Variants in MAPKAPK2 observed in about 807,000 individuals in gnomAD.
The protein encoded by MAPKAPK2 is MAP kinase-activated protein kinase 2.
Under a neutral mutation model 48.8 loss-of-function variants are expected in MAPKAPK2, and 9 were observed. The observed-to-expected ratio is 0.18, with a 90% CI of 0.11 to 0.32. The LOEUF (loss-of-function observed/expected upper bound fraction) is 0.32, where lower values mean the gene tolerates loss of function less well. MAPKAPK2 is among the 10% of genes least tolerant of loss of function. The pLI, the probability that MAPKAPK2 is intolerant of heterozygous loss-of-function variation, is 1.00. For missense variants in MAPKAPK2, 331 were observed against 498.3 expected, an observed-to-expected ratio of 0.66 and a Z score of 3.20; for synonymous variants, 202 against 190.6, an observed-to-expected ratio of 1.06 and a Z score of -0.49.
intron 1 of MAPKAPK2, among the ~76,000 whole-genome samples, chr1:206,711,951 A>G (rs1433506002): frequency 1.3e-5 from 2 of 151,906 alleles, no homozygotes; most frequent in Non-Finnish European, 2.9e-5. Flanking sequence ...TGTTTAGTTT[A>G]TTTCCTTCTG....
At chr1:206,728,935 G>A in intron 2 of MAPKAPK2, 86 bp downstream of exon 2, 1 of 1,612,430 alleles carries the variant, frequency 6.2e-7, no homozygotes, top group South Asian at 1.1e-5. Flanking sequence ...CCCAGGGATG[G>A]GCCTGAAGCC....
At position 206,727,810 on chromosome 1, in the gene MAPKAPK2, G is replaced by A. The variant is rs182617104; in HGVS notation, c.280-900G>A. ...CTAATTTTTTTTGTATTGTTAGTAG[G>A]GACGGGGTTTCACCGTGTTAGCCAG... On this transcript the variant is annotated intron_variant, in intron 1 of 9. Coordinates refer to ENST00000367103, the MANE Select transcript of MAPKAPK2 (RefSeq NM_032960.4). Among the ~76,000 whole-genome samples, 1,384 of 152,102 alleles carry A rather than the reference G, an allele frequency of 9.1e-3. 31 individuals are homozygous for A. The highest frequency in any genetic ancestry group is 0.031 in the African/African-American group (1,303 of 41,484).
intron 1 of MAPKAPK2, among the ~76,000 whole-genome samples, chr1:206,706,092 C>T (rs1455970971): frequency 1.3e-5 from 2 of 151,726 alleles, no homozygotes; most frequent in African/African-American, 4.8e-5. Flanking sequence ...GTAATTAAGG[C>T]GGGGTCAGGA....
chr1:206,721,605 G>A (rs1464346745), intron 1 of MAPKAPK2, among the ~76,000 whole-genome samples: 5 of 152,164 alleles, frequency 3.3e-5, no homozygotes, highest in Admixed American at 2.0e-4. Flanking sequence ...GTGGGGTGGT[G>A]GAAAGGAGGC....
At position 206,730,646 on chromosome 1, in the gene MAPKAPK2, G is replaced by T. The variant is rs142036721; in HGVS notation, c.692-42G>T. The T allele has an allele frequency of 1.6e-4, 251 of 1,544,256 alleles. No individual in the cohort carries two copies. The African/African-American group carries it at 3.1e-3, about 19-fold the overall frequency. Reference sequence around the variant, plus strand: ...ACAGAGAAACTGAGTGGATCACAGGGTTCTGAGGGCCGGCCCACCCATGTT... The same window carrying T: ...ACAGAGAAACTGAGTGGATCACAGGTTTCTGAGGGCCGGCCCACCCATGTT... On this transcript the variant is annotated intron_variant, in intron 5 of 9. Transcript: ENST00000367103.
At chr1:206,728,370 G>A (rs1444741310) in intron 1 of MAPKAPK2, among the ~76,000 whole-genome samples, 4 of 151,790 alleles carry the variant, frequency 2.6e-5, no homozygotes, top group African/African-American at 7.3e-5. Flanking sequence ...CTTTCTCCCC[G>A]AAGCCCCTTC....
chr1:206,715,716 C>A (rs1673307489), intron 1 of MAPKAPK2, among the ~76,000 whole-genome samples: 1 of 151,184 alleles, frequency 6.6e-6, no homozygotes, highest in Non-Finnish European at 1.5e-5. Context: ...CAGCCTTGAC[C>A]TCCTGGGCTC....
chr1:206,685,011 A>C lies in MAPKAPK2; in HGVS notation c.-219A>C. On this transcript the variant is annotated 5_prime_UTR_variant, in exon 1 of 10. Coordinates refer to ENST00000367103, the MANE Select transcript of MAPKAPK2 (RefSeq NM_032960.4). ...CCCAGAGCGCCAGGCCCCCGGGGGG[A>C]GGGAGGGAGGGCGCCGGGCCGGTGG... 1 of 139,882 alleles carries C rather than the reference A, an allele frequency of 7.1e-6. No homozygotes were observed. The allele number at this position is 139,882 out of a possible 1,614,324, so 8.7% of individuals were successfully genotyped here. A position where few individuals can be genotyped will look rare whatever the true frequency, so the allele number is the denominator to read the frequency against.
At chr1:206,707,977 T>A (rs1240991552) in intron 1 of MAPKAPK2, among the ~76,000 whole-genome samples, 1 of 152,238 alleles carries the variant, frequency 6.6e-6, no homozygotes, top group Non-Finnish European at 1.5e-5. Context: ...AAGAATAGAC[T>A]GACAGAGCTG....
chr1:206,710,724 G>A (rs138744117), intron 1 of MAPKAPK2, among the ~76,000 whole-genome samples: 13 of 152,308 alleles, frequency 8.5e-5, no homozygotes, highest in Admixed American at 1.3e-4. Flanking sequence ...TCACAACATC[G>A]AAAGTGCAAA....
rs1572518013 is a variant in MAPKAPK2, at chr1:206,731,231, C to T, written c.861C>T (p.Pro287=). The change falls in exon 7 of 10, where the codon CCC becomes CCT. Residue 287 remains proline (P), a synonymous_variant. Transcript: ENST00000367103. The surrounding 1 kb of genome is among the most constrained non-coding windows in gnomAD (Gnocchi z 5.9). ...TCCGAATGGGCCAGTATGAATTTCC[C>T]AACCCAGAATGGTCAGAAGTATCAG... The part of the protein sequence containing the change: ...TRIRMGQYEF[P]NPEWSEVSEE... 1 of 1,614,200 alleles carries T rather than the reference C, an allele frequency of 6.2e-7. No individual in the cohort carries two copies. Among genetic ancestry groups the T allele is most frequent in the Non-Finnish European group, 8.5e-7 (1 of 1,180,034 alleles).
Position 206,732,533 on chromosome 1 carries a change from C to G in MAPKAPK2, c.1060-42C>G, listed in dbSNP as rs1673953214. 1 of 1,606,396 alleles carries G rather than the reference C, an allele frequency of 6.2e-7. No individual in the cohort carries two copies. The highest frequency in any genetic ancestry group is 1.3e-5 in the African/African-American group (1 of 74,862). ...TTCTGCTGTCTCTCCTACCTGTCTT[C>G]TGGCTCTCTCTGTACCCTTCCTGGT... On this transcript the variant is annotated intron_variant, in intron 9 of 9. Coordinates refer to ENST00000367103, the MANE Select transcript of MAPKAPK2 (RefSeq NM_032960.4). This position sits in a 1 kb window ranked among gnomAD's most constrained non-coding sequence, Gnocchi z 4.4.
At chr1:206,714,580 AT>A (rs1413896557) in intron 1 of MAPKAPK2, among the ~76,000 whole-genome samples, 3 of 151,682 alleles carry the variant, frequency 2.0e-5, no homozygotes, top group Non-Finnish European at 4.4e-5. Flanking sequence ...CCTGGCCAGC[AT>A]GGTGAAACCC....
intron 1 of MAPKAPK2, among the ~76,000 whole-genome samples, chr1:206,703,138 A>G (rs1672851783): frequency 6.6e-6 from 1 of 152,242 alleles, no homozygotes; most frequent in Non-Finnish European, 1.5e-5. Flanking sequence ...TCTTACCCTC[A>G]GTGGCCCAGA....
At chr1:206,693,349 C>G (rs1457474103) in intron 1 of MAPKAPK2, among the ~76,000 whole-genome samples, 2 of 152,150 alleles carry the variant, frequency 1.3e-5, no homozygotes, top group African/African-American at 4.8e-5. Context: ...TGATATTCTC[C>G]CTGCTTGCCC....
intron 1 of MAPKAPK2, among the ~76,000 whole-genome samples, chr1:206,703,921 CG>C (rs1672873923): frequency 6.6e-6 from 1 of 152,324 alleles, no homozygotes; most frequent in East Asian, 1.9e-4. Flanking sequence ...CTTGTGAGGG[CG>C]GGGAGCTTGA....
chr1:206,727,724 C>G (rs1416950060), intron 1 of MAPKAPK2, among the ~76,000 whole-genome samples: 1 of 152,156 alleles, frequency 6.6e-6, no homozygotes, highest in Non-Finnish European at 1.5e-5. Context: ...AGGGTTCACG[C>G]CATTCTCCTG....
At chr1:206,716,448 C>T (rs782365035) in intron 1 of MAPKAPK2, among the ~76,000 whole-genome samples, 2 of 152,166 alleles carry the variant, frequency 1.3e-5, no homozygotes, top group African/African-American at 2.4e-5. Context: ...ACCCAGTTGT[C>T]TCCAGTCTTA....
intron 1 of MAPKAPK2, among the ~76,000 whole-genome samples, chr1:206,687,422 G>A (rs1572472984): frequency 1.3e-5 from 2 of 152,226 alleles, no homozygotes; most frequent in East Asian, 3.8e-4. Context: ...GGTTAGAAGT[G>A]GGCGAAGAGT....
Sources: gnomAD v4.1 joint callset for allele counts (sites outside exome capture counted in the v4.1 genomes callset) on GRCh38, gnomAD v4.1.1 for gene constraint, Gnocchi (gnomAD v3.1) non-coding constraint, MANE v1.5 for transcripts, NCBI Gene and HGNC (gene_info 2026-07-23, HGNC 2026-07-21) for gene names.